MIER2: variants seen among roughly 807,000 people sequenced by gnomAD.
MIER2 encodes the protein mesoderm induction early response protein 2.
A neutral mutation model predicts 67.6 loss-of-function variants in MIER2; 30 were observed. The ratio of observed to expected loss-of-function variants is 0.44; its 90% confidence interval spans 0.33 to 0.60. The LOEUF (loss-of-function observed/expected upper bound fraction) is 0.60, where lower values mean the gene tolerates loss of function less well. Among genes scored for constraint, MIER2 ranks in the 20% least tolerant of loss-of-function variants. The probability of loss-of-function intolerance (pLI) is 0.02; values close to 1 mark genes in which losing one functional copy is unlikely to be tolerated. For synonymous variants in MIER2, 372 were observed against 312.6 expected (o/e 1.19, Z -2.00); for missense variants, 702 against 745.1 (o/e 0.94, Z 0.67).
At chr19:315,432 G>A (rs1279077261) in intron 7 of MIER2, among the ~76,000 whole-genome samples, 1 of 152,238 alleles carries the variant, frequency 6.6e-6, no homozygotes, top group African/African-American at 2.4e-5. Flanking sequence ...GATGTTAAGA[G>A]TCAGCACACG....
At chr19:335,310 C>T (rs1972192605) in intron 2 of MIER2, among the ~76,000 whole-genome samples, 2 of 152,246 alleles carry the variant, frequency 1.3e-5, no homozygotes, top group South Asian at 4.1e-4. Context: ...GCTGGGCACA[C>T]AGGTGTGCAC....
chr19:316,769 G>C (rs955811367), intron 7 of MIER2, among the ~76,000 whole-genome samples: 2 of 152,076 alleles, frequency 1.3e-5, no homozygotes, highest in Non-Finnish European at 2.9e-5. Context: ...AGGAGTTCAA[G>C]ACCAGCATAG....
At chr19:307,682 A>G (rs1478118292) in intron 12 of MIER2, 146 bp from the exon 13 acceptor site, 3 of 884,382 alleles carry the variant, frequency 3.4e-6, no homozygotes, top group Non-Finnish European at 4.8e-6. Flanking sequence ...CACCAGTTAC[A>G]CTGAAATCCG....
intron 7 of MIER2, among the ~76,000 whole-genome samples, chr19:322,316 G>A (rs1038794453): frequency 6.6e-6 from 1 of 152,134 alleles, no homozygotes; most frequent in African/African-American, 2.4e-5. Context: ...CCTGAGGTAA[G>A]CAAACACTCC....
chr19:318,715 T>G (rs1295389276), intron 7 of MIER2, among the ~76,000 whole-genome samples: 1 of 152,154 alleles, frequency 6.6e-6, no homozygotes, highest in African/African-American at 2.4e-5. Context: ...TACAAAGAAC[T>G]GAAATCACGG....
At chr19:334,691 C>A in intron 2 of MIER2, 149 bp from the exon 3 acceptor site, 1 of 1,041,470 alleles carries the variant, frequency 9.6e-7, no homozygotes, top group East Asian at 2.6e-5. Flanking sequence ...ACAGGACACC[C>A]CACGACTAAT....
At chr19:331,619 T>G (rs1972029775) in intron 3 of MIER2, among the ~76,000 whole-genome samples, 1 of 151,076 alleles carries the variant, frequency 6.6e-6, no homozygotes, top group Non-Finnish European at 1.5e-5. Flanking sequence ...CAGTAAACTA[T>G]GATTGCACCA....
rs1970659405 is a variant in MIER2 at position 306,576 on chromosome 19, AG to A, written c.*113del. 4.4e-6 allele frequency: 6 copies of A among 1,360,442 alleles called. No homozygotes were observed. The highest frequency in any genetic ancestry group is 6.1e-6 in the Non-Finnish European group (6 of 979,612). 84.3% of individuals were successfully genotyped at this position (1,360,442 alleles called of 1,614,324 possible). A position where few individuals can be genotyped will look rare whatever the true frequency, so the allele number is the denominator to read the frequency against. On this transcript the variant is annotated 3_prime_UTR_variant, in exon 14 of 14. Transcript: ENST00000264819. ...TCCTGACGTGTTCTGAAGCAGAAGG[AG>A]GTGCTACCCCAAGGCCCGGGGGGTG... is the stretch of plus-strand genomic sequence containing the variant.
At chr19:343,790 GC>G (rs1972611876) in intron 1 of MIER2, 1 of 969,782 alleles carries the variant, frequency 1.0e-6, no homozygotes, top group Admixed American at 6.2e-5. Flanking sequence ...GCACCTCGCA[GC>G]CGCCGCACCT....
At chr19:323,787 C>T (rs1432715632) in intron 7 of MIER2, among the ~76,000 whole-genome samples, 8 of 151,934 alleles carry the variant, frequency 5.3e-5, no homozygotes, top group African/African-American at 1.7e-4. Context: ...ACAGACAACT[C>T]GAATGACACA....
At chr19:321,910 ATTTTTT>A (rs1971520541) in intron 7 of MIER2, among the ~76,000 whole-genome samples, 1 of 151,468 alleles carries the variant, frequency 6.6e-6, no homozygotes, top group Non-Finnish European at 1.5e-5. Flanking sequence ...TTTTATTTTT[ATTTTTT>A]ATTTTTGAGA....
At chr19:309,564 A>G (rs1214357948) in intron 10 of MIER2, among the ~76,000 whole-genome samples, 1 of 149,544 alleles carries the variant, frequency 6.7e-6, no homozygotes, top group Admixed American at 6.7e-5. Context: ...CTTCAGGGAG[A>G]CGAGAAGGGA....
chr19:333,010 G>T (rs1261747828), intron 3 of MIER2, among the ~76,000 whole-genome samples: 1 of 46,560 alleles, frequency 2.1e-5, no homozygotes. Context: ...TTTCTTTTTT[G>T]GAGACGGAGT....
rs1970649809 is a variant in MIER2, at chr19:306,407, T to A, written c.*283A>T. ...CGTCCCAACGGCGGGGTCTCTTCTG[T>A]CCCCGGCTGCCCGACGGATCCCACG... On this transcript the variant is annotated 3_prime_UTR_variant, in exon 14 of 14. Transcript: ENST00000264819. The A allele has an allele frequency of 8.6e-6, 5 of 579,564 alleles. No homozygotes were observed. Among genetic ancestry groups the A allele is most frequent in the Non-Finnish European group, 1.5e-5 (5 of 324,780 alleles). The allele number at this position is 579,564 out of a possible 1,614,324, so 35.9% of individuals were successfully genotyped here. A position where few individuals can be genotyped will look rare whatever the true frequency, so the allele number is the denominator to read the frequency against.
intron 7 of MIER2, among the ~76,000 whole-genome samples, chr19:323,180 G>A (rs979160828): frequency 6.3e-4 from 88 of 140,324 alleles, no homozygotes; most frequent in Admixed American, 2.1e-3. Context: ...TGACACAGAC[G>A]TCATCACAAT....
At chr19:313,972 G>A (rs951906489) in intron 7 of MIER2, among the ~76,000 whole-genome samples, 4 of 152,188 alleles carry the variant, frequency 2.6e-5, no homozygotes, top group Non-Finnish European at 5.9e-5. Flanking sequence ...TAGATCTGGG[G>A]CAGGGGAATT....
intron 7 of MIER2, among the ~76,000 whole-genome samples, chr19:317,284 T>C (rs1487070214): frequency 6.6e-6 from 1 of 151,824 alleles, no homozygotes; most frequent in Non-Finnish European, 1.5e-5. Context: ...TCCCAGCACT[T>C]TGGGAGGCTG....
chr19:307,333 G>C lies in MIER2; in HGVS notation c.1402C>G (p.Pro468Ala). 6.2e-7 allele frequency: 1 copy of C among 1,603,522 alleles called. No individual in the cohort carries two copies. Among genetic ancestry groups the C allele is most frequent in the Non-Finnish European group, 8.5e-7 (1 of 1,175,828 alleles). The change falls in exon 13 of 14, where the codon CCA (proline) becomes GCA (alanine). Residue 468 changes from proline (P) to alanine (A), a missense_variant. Pro to Ala is a conservative substitution (Grantham distance 27). Coordinates refer to ENST00000264819, the MANE Select transcript of MIER2 (RefSeq NM_017550.3). Reference sequence around the variant, plus strand: ...AGGGCGAAGTCCACGGCCAGCCTTGGGCTGGCGTCTGGCTCCGGAGCAGTG... The same window carrying C: ...AGGGCGAAGTCCACGGCCAGCCTTGCGCTGGCGTCTGGCTCCGGAGCAGTG... The part of the protein sequence containing the change: ...AVTAPEPDAS[P>A]RLAVDFALPK...
chr19:334,236 C>A, intron 3 of MIER2, 164 bp downstream of exon 3: 6 of 977,132 alleles, frequency 6.1e-6, no homozygotes, highest in Non-Finnish European at 9.1e-6. Flanking sequence ...CCATGAAAGA[C>A]CTGGTCTCCA....
Sources: allele counts gnomAD v4.1 joint callset (sites outside exome capture counted in the v4.1 genomes callset), GRCh38; gene constraint gnomAD v4.1.1; transcripts MANE v1.5; gene names NCBI Gene and HGNC (gene_info 2026-07-23, HGNC 2026-07-21).